The following VWA8 variants were observed in gnomAD, a reference collection of about 807,000 sequenced individuals.
The protein encoded by VWA8 is von Willebrand factor A domain containing 8.
VWA8 carries 221 observed loss-of-function variants against 241.5 expected under a neutral mutation model. The observed-to-expected ratio is 0.91, with a 90% confidence interval of 0.82 to 1.02. The LOEUF (loss-of-function observed/expected upper bound fraction) is 1.02. Among genes scored for constraint, VWA8 ranks in the 50% least tolerant of loss-of-function variants. The pLI, the probability that VWA8 is intolerant of heterozygous loss-of-function variation, is 0.00. For missense variants in VWA8, 2,322 were observed against 2,328.7 expected (o/e 1.00, Z 0.06); for synonymous variants, 852 against 827.1 (o/e 1.03, Z -0.52).
intron 26 of VWA8, among the ~76,000 whole-genome samples, chr13:41,718,697 TTA>T (rs68113840): frequency 0.046 from 6,786 of 148,342 alleles, 172 homozygotes; most frequent in East Asian, 0.12. Context: ...ACTTTGGAGA[TTA>T]TATATATATA....
In VWA8 at chr13:41,784,727, T is replaced by TATATATAC. The variant is rs1555335045; in HGVS notation, c.2171-827_2171-826insGTATATAT. On this transcript the variant is annotated intron_variant, in intron 18 of 44. Transcript: ENST00000379310. ...ATATATATATATATATATATATATATATACACACACATATATATATATATA... is the reference window on the plus strand; with the variant it reads ...ATATATATATATATATATATATATATATATATACATACACACACATATATATATATATA... Among the ~76,000 whole-genome samples the TATATATAC allele has an allele frequency of 3.5e-3, 239 of 68,984 alleles. 4 individuals are homozygous for TATATATAC. Among genetic ancestry groups the TATATATAC allele is most frequent in the African/African-American group, 4.5e-3 (100 of 22,250 alleles). 45.3% of individuals were successfully genotyped at this position (68,984 alleles called of 152,430 possible).
chr13:41,717,657 C>T (rs150544991), intron 26 of VWA8, among the ~76,000 whole-genome samples: 52 of 152,092 alleles, frequency 3.4e-4, no homozygotes, highest in Middle Eastern at 3.4e-3. Context: ...GAAATTGCTA[C>T]GGAACCTGTG....
intron 15 of VWA8, among the ~76,000 whole-genome samples, 171 bp from the exon 16 acceptor site, chr13:41,816,946 T>G (rs1462064413): frequency 1.3e-5 from 2 of 152,200 alleles, no homozygotes; most frequent in Non-Finnish European, 2.9e-5. Context: ...TTCAACCTCT[T>G]AGGAAACACT....
At chr13:41,801,434 T>C (rs1241620466) in intron 17 of VWA8, among the ~76,000 whole-genome samples, 1 of 152,162 alleles carries the variant, frequency 6.6e-6, no homozygotes, top group Non-Finnish European at 1.5e-5. Context: ...TAGAGGGTAA[T>C]AAAGATTCTG....
intron 42 of VWA8, 145 bp downstream of exon 42, chr13:41,587,367 T>C: frequency 3.8e-6 from 4 of 1,046,456 alleles, no homozygotes; most frequent in Non-Finnish European, 5.4e-6. Flanking sequence ...CTACTTCAGA[T>C]AAAACAAAAG....
intron 21 of VWA8, among the ~76,000 whole-genome samples, chr13:41,737,274 C>T (rs2045533134): frequency 6.6e-6 from 1 of 152,092 alleles, no homozygotes; most frequent in Non-Finnish European, 1.5e-5. Flanking sequence ...TTCTTGGTAT[C>T]AAGAACATAA....
intron 2 of VWA8, among the ~76,000 whole-genome samples, chr13:41,932,953 T>C (rs560890879): frequency 2.6e-5 from 4 of 152,016 alleles, no homozygotes; most frequent in Non-Finnish European, 5.9e-5. Context: ...ATGTTTTATA[T>C]AATAAATTAC....
intron 34 of VWA8, among the ~76,000 whole-genome samples, chr13:41,686,413 C>G (rs917145629): frequency 2.6e-5 from 4 of 152,036 alleles, no homozygotes; most frequent in Admixed American, 2.0e-4. Flanking sequence ...ATTTGCATTT[C>G]TCTAATGACT....
intron 2 of VWA8, among the ~76,000 whole-genome samples, chr13:41,919,386 A>G (rs1367319230): frequency 6.6e-6 from 1 of 152,152 alleles, no homozygotes; most frequent in Non-Finnish European, 1.5e-5. Flanking sequence ...AGCTCCCCAG[A>G]GTACACATTC....
chr13:41,572,005 G>A (rs940079946), intron 43 of VWA8, among the ~76,000 whole-genome samples: 25 of 151,866 alleles, frequency 1.6e-4, no homozygotes, highest in Non-Finnish European at 3.4e-4. Flanking sequence ...TGGCGACCCC[G>A]TCTGGGAATT....
At chr13:41,740,764 T>C (rs1238391993) in intron 21 of VWA8, among the ~76,000 whole-genome samples, 1 of 152,180 alleles carries the variant, frequency 6.6e-6, no homozygotes, top group Non-Finnish European at 1.5e-5. Context: ...CTGGGAAATC[T>C]ACCACTTCAG....
intron 14 of VWA8, among the ~76,000 whole-genome samples, chr13:41,823,879 C>A (rs552318396): frequency 2.6e-5 from 4 of 152,306 alleles, no homozygotes; most frequent in Non-Finnish European, 5.9e-5. Context: ...CCGGGTTTCA[C>A]ACTATAAAGT....
chr13:41,841,854 TATATAA>T (rs1386296369), intron 12 of VWA8, among the ~76,000 whole-genome samples: 1,258 of 65,036 alleles, frequency 0.019, 70 homozygotes, highest in Middle Eastern at 0.032. Context: ...TATATATATA[TATATAA>T]AAACAGTAGA....
chr13:41,694,230 C>G (rs1383797961), intron 29 of VWA8, among the ~76,000 whole-genome samples: 1 of 151,922 alleles, frequency 6.6e-6, no homozygotes, highest in Non-Finnish European at 1.5e-5. Context: ...AATCTAGCAT[C>G]TCAGTGTGGG....
chr13:41,806,489 G>T (rs1005233847), intron 17 of VWA8, among the ~76,000 whole-genome samples: 3 of 151,990 alleles, frequency 2.0e-5, no homozygotes, highest in African/African-American at 7.3e-5. Context: ...GGATCACAAG[G>T]TCAGGAGATC....
rs555850055 is a variant in VWA8 at position 41,721,732 on chromosome 13, G to A, written c.2759-157C>T. 2.6e-5 allele frequency among the ~76,000 whole-genome samples: 4 copies of A among 152,220 alleles called. No individual in the cohort carries two copies. The South Asian group carries it at 8.3e-4, about 32-fold the overall frequency. On this transcript the variant is annotated intron_variant, in intron 24 of 44. Coordinates refer to ENST00000379310, the MANE Select transcript of VWA8 (RefSeq NM_015058.2). ...GGTACAGAGAAGAAAGCAAAAGACT[G>A]AAGCAAAAGAAAAGAAAACTGGGTG...
At chr13:41,929,658 G>GA (rs575650172) in intron 2 of VWA8, among the ~76,000 whole-genome samples, 2 of 152,170 alleles carry the variant, frequency 1.3e-5, no homozygotes, top group Non-Finnish European at 2.9e-5. Flanking sequence ...ACCCAATGGG[G>GA]AAAGGATAGT....
chr13:41,784,187 C>G (rs1004385688), intron 18 of VWA8, among the ~76,000 whole-genome samples: 5 of 151,572 alleles, frequency 3.3e-5, no homozygotes, highest in African/African-American at 1.2e-4. Flanking sequence ...AGTCAAGCCA[C>G]CTTCACAAGC....
At chr13:41,882,037 C>T (rs1281386477) in intron 9 of VWA8, among the ~76,000 whole-genome samples, 1 of 129,834 alleles carries the variant, frequency 7.7e-6, no homozygotes, top group African/African-American at 3.2e-5. Context: ...AGGGGCTCCT[C>T]ACTTCTCAGA....
Sources: allele counts gnomAD v4.1 joint callset (sites outside exome capture counted in the v4.1 genomes callset), GRCh38; gene constraint gnomAD v4.1.1; transcripts MANE v1.5; gene names NCBI Gene and HGNC (gene_info 2026-07-23, HGNC 2026-07-21).